The following PPA2 variants were observed in gnomAD, a reference collection of about 807,000 sequenced individuals.
The protein encoded by PPA2 is inorganic pyrophosphatase 2.
Under a neutral mutation model 49.5 loss-of-function variants are expected in PPA2, and 48 were observed. The observed-to-expected ratio is 0.97, with a 90% confidence interval of 0.77 to 1.23. The LOEUF is 1.23. PPA2 is among the 50% of genes most tolerant of loss of function. The pLI, the probability that PPA2 is intolerant of heterozygous loss-of-function variation, is 0.00. For synonymous variants in PPA2, 131 were observed against 139.9 expected, an observed-to-expected ratio of 0.94 and a Z score of 0.45; for missense variants, 429 against 410.1, an observed-to-expected ratio of 1.05 and a Z score of -0.40.
At chr4:105,372,630 G>A (rs1733071762) in intron 10 of PPA2, among the ~76,000 whole-genome samples, 1 of 152,138 alleles carries the variant, frequency 6.6e-6, no homozygotes, top group African/African-American at 2.4e-5. Flanking sequence ...AATTCTCCAG[G>A]AGACAGCCAT....
chr4:105,404,303 T>C (rs1323312146), intron 7 of PPA2, among the ~76,000 whole-genome samples: 1 of 151,852 alleles, frequency 6.6e-6, no homozygotes, highest in Admixed American at 6.6e-5. Flanking sequence ...TCTTGCCTAC[T>C]GAAAAAGAAC....
Position 105,469,867 on chromosome 4 carries a change from G to A in PPA2, c.157+4027C>T, listed in dbSNP as rs60321631. Among the ~76,000 whole-genome samples, 748 of 152,274 alleles carry A rather than the reference G, an allele frequency of 4.9e-3. 6 individuals are homozygous for A. The highest frequency in any genetic ancestry group is 0.016 in the African/African-American group (652 of 41,560). On this transcript the variant is annotated intron_variant, in intron 1 of 11. Transcript: ENST00000341695. ...CAAACAAATTTTGTGGATTATTCAC[G>A]GGAAGTTCTCTTTTAAGTCCAAAGA...
intron 7 of PPA2, among the ~76,000 whole-genome samples, chr4:105,419,038 C>G (rs1723132492): frequency 6.6e-6 from 1 of 152,098 alleles, no homozygotes; most frequent in Non-Finnish European, 1.5e-5. Context: ...ATTTAGGTGT[C>G]CTGGGAGTCT....
At position 105,392,615 on chromosome 4, in the gene PPA2, G is replaced by A. The variant is rs192492763; in HGVS notation, c.869+3634C>T. Among the ~76,000 whole-genome samples, 696 of 151,826 alleles carry A rather than the reference G, an allele frequency of 4.6e-3. 9 individuals are homozygous for A. The highest frequency in any genetic ancestry group is 0.016 in the African/African-American group (657 of 41,414). ...TTGAGCCCGGGAGGCAGAGGTTGCA[G>A]TGAGCCGAGATTGCATCACTGCACT... is the stretch of plus-strand genomic sequence containing the variant. On this transcript the variant is annotated intron_variant, in intron 9 of 11. Coordinates refer to ENST00000341695, the MANE Select transcript of PPA2 (RefSeq NM_176869.3).
At chr4:105,423,993 G>A (rs528929410) in intron 7 of PPA2, among the ~76,000 whole-genome samples, 7 of 152,202 alleles carry the variant, frequency 4.6e-5, no homozygotes, top group African/African-American at 1.7e-4. Flanking sequence ...AAAGAGAGGT[G>A]ACAGGAGAGG....
intron 6 of PPA2, among the ~76,000 whole-genome samples, chr4:105,432,514 C>T (rs1224898283): frequency 2.0e-5 from 3 of 152,056 alleles, no homozygotes; most frequent in Admixed American, 1.3e-4. Flanking sequence ...AATCATATGG[C>T]TATAACCTGC....
At chr4:105,453,938 G>C (rs1418834746) in intron 2 of PPA2, 1 of 249,160 alleles carries the variant, frequency 4.0e-6, no homozygotes, top group East Asian at 7.5e-5. Context: ...TTTAAGAAAA[G>C]ACTGGTAGTT....
chr4:105,384,740 A>G (rs1578800792), intron 10 of PPA2, among the ~76,000 whole-genome samples: 1 of 152,176 alleles, frequency 6.6e-6, no homozygotes, highest in East Asian at 1.9e-4. Context: ...ATCTTCTCTA[A>G]TCTAATTATG....
chr4:105,417,222 C>T (rs1359888713), intron 7 of PPA2, among the ~76,000 whole-genome samples: 2 of 152,172 alleles, frequency 1.3e-5, no homozygotes, highest in Non-Finnish European at 2.9e-5. Flanking sequence ...CACTTAAAAA[C>T]GTGCCAATGT....
At chr4:105,469,780 T>G (rs1723447667) in intron 1 of PPA2, among the ~76,000 whole-genome samples, 1 of 152,208 alleles carries the variant, frequency 6.6e-6, no homozygotes, top group South Asian at 2.1e-4. Flanking sequence ...TTCCATTATA[T>G]CAGTTGAAGT....
Position 105,423,887 on chromosome 4 carries a change from A to G in PPA2, c.655+309T>C, listed in dbSNP as rs144343965. 1.4e-3 allele frequency among the ~76,000 whole-genome samples: 206 copies of G among 152,208 alleles called. 1 individual carries two copies. The Middle Eastern group carries it at 0.014, about 10-fold the overall frequency. On this transcript the variant is annotated intron_variant, in intron 7 of 11. Transcript: ENST00000341695. The stretch of plus-strand genomic sequence containing the variant: ...TTATTCCTAGTCAAAGGATGCTTTC[A>G]AAACAGTTCCCAACAGCAGTTGGAC...
intron 8 of PPA2, among the ~76,000 whole-genome samples, chr4:105,397,971 T>C (rs966708150): frequency 6.6e-6 from 1 of 152,180 alleles, no homozygotes; most frequent in Non-Finnish European, 1.5e-5. Flanking sequence ...ACTAAGGCTC[T>C]ATATTTTAAA....
intron 9 of PPA2, among the ~76,000 whole-genome samples, chr4:105,393,219 C>T (rs936306885): frequency 3.3e-5 from 5 of 151,860 alleles, no homozygotes; most frequent in Admixed American, 2.0e-4. Context: ...TAAGGCCGGG[C>T]GCAGTGGCTC....
At chr4:105,426,728 A>G (rs1723530911) in intron 6 of PPA2, among the ~76,000 whole-genome samples, 3 of 152,374 alleles carry the variant, frequency 2.0e-5, no homozygotes, top group South Asian at 4.1e-4. Flanking sequence ...AGCCCACCAC[A>G]GCTCAGCAGG....
At chr4:105,453,521 A>T in intron 3 of PPA2, 77 bp downstream of exon 3, 1 of 1,133,304 alleles carries the variant, frequency 8.8e-7, no homozygotes, top group Non-Finnish European at 1.2e-6. Flanking sequence ...GAATCATTTT[A>T]CAAATGCAAA....
chr4:105,388,947 A>G (rs1199652739), intron 9 of PPA2, among the ~76,000 whole-genome samples: 2 of 152,196 alleles, frequency 1.3e-5, no homozygotes, highest in African/African-American at 2.4e-5. Context: ...GAAAGATTAC[A>G]AAGTTCCTTC....
At chr4:105,420,373 T>C (rs2713825) in intron 7 of PPA2, among the ~76,000 whole-genome samples, 86,926 of 151,998 alleles carry the variant, frequency 0.57, 24,889 homozygotes, top group East Asian at 0.68. Flanking sequence ...TCCCAAAGTG[T>C]TGGGTTACTG....
In PPA2 at chr4:105,404,177, A is replaced by T. The variant is rs149221476; in HGVS notation, c.656-5013T>A. 5.4e-3 allele frequency among the ~76,000 whole-genome samples: 686 copies of T among 127,928 alleles called. 24 individuals are homozygous for T. The East Asian group carries it at 0.14, about 26-fold the overall frequency. The allele number at this position is 127,928 out of a possible 152,430, so 83.9% of individuals were successfully genotyped here. The stretch of plus-strand genomic sequence containing the variant: ...AAAACAATAACATTTAAAAATAATT[A>T]TATACCAAAAACAAAGAAAATGTTA... On this transcript the variant is annotated intron_variant, in intron 7 of 11. Transcript: ENST00000341695.
chr4:105,425,718 G>GCACATA lies in PPA2; in HGVS notation c.529-1402_529-1397dup, dbSNP rs1482132541. Among the ~76,000 whole-genome samples, 96 of 105,308 alleles carry GCACATA rather than the reference G, an allele frequency of 9.1e-4. 1 individual carries two copies. Among genetic ancestry groups the GCACATA allele is most frequent in the African/African-American group, 2.3e-3 (60 of 25,622 alleles). 69.1% of individuals were successfully genotyped at this position (105,308 alleles called of 152,430 possible). A position where few individuals can be genotyped will look rare whatever the true frequency, so the allele number is the denominator to read the frequency against. ...CCCCACAGATTGAGAAAGGACACAT[G>GCACATA]CACATACACACACACACACACACAC... On this transcript the variant is annotated intron_variant, in intron 6 of 11. Transcript: ENST00000341695.
Sources: allele counts gnomAD v4.1 joint callset (sites outside exome capture counted in the v4.1 genomes callset), GRCh38; gene constraint gnomAD v4.1.1; transcripts MANE v1.5; gene names NCBI Gene and HGNC (gene_info 2026-07-23, HGNC 2026-07-21).